CEP112: variants seen among roughly 807,000 people sequenced by gnomAD.
CEP112 encodes the protein centrosomal protein of 112 kDa.
CEP112 carries 127 observed loss-of-function variants against 153.0 expected under a neutral mutation model. That is an observed-to-expected ratio of 0.83 (90% confidence interval 0.72 to 0.96). CEP112 has a LOEUF of 0.96. Ranked by LOEUF, CEP112 falls within the 40% of genes least tolerant of loss-of-function variation. The probability of loss-of-function intolerance (pLI) is 0.00; values close to 1 mark genes in which losing one functional copy is unlikely to be tolerated. For synonymous variants in CEP112, 358 were observed against 374.4 expected (o/e 0.96, Z 0.51); for missense variants, 1,089 against 1,101.2 (o/e 0.99, Z 0.16).
At chr17:65,717,995 T>C (rs1430588945) in intron 23 of CEP112, among the ~76,000 whole-genome samples, 1 of 152,178 alleles carries the variant, frequency 6.6e-6, no homozygotes, top group Non-Finnish European at 1.5e-5. Context: ...AATATAAAAT[T>C]TGACTTGTCT....
intron 21 of CEP112, among the ~76,000 whole-genome samples, chr17:65,817,073 C>T (rs2056310811): frequency 6.6e-6 from 1 of 151,746 alleles, no homozygotes; most frequent in African/African-American, 2.4e-5. Context: ...TGTTACATAC[C>T]TTTGTTTTTT....
chr17:65,661,763 A>G (rs2046396834), intron 24 of CEP112: 1 of 152,208 alleles, frequency 6.6e-6, no homozygotes, highest in Non-Finnish European at 1.5e-5. Flanking sequence ...GTTTGCATGA[A>G]GCAGATCATA....
At chr17:65,915,716 A>C (rs1392119446) in intron 19 of CEP112, among the ~76,000 whole-genome samples, 1 of 141,196 alleles carries the variant, frequency 7.1e-6, no homozygotes, top group Non-Finnish European at 1.5e-5. Context: ...TGAACCCAGG[A>C]GGCGGAGGCT....
intron 24 of CEP112, among the ~76,000 whole-genome samples, chr17:65,684,873 C>T (rs2144299904): frequency 6.6e-6 from 1 of 152,286 alleles, no homozygotes; most frequent in East Asian, 1.9e-4. Context: ...CTGACTCAAG[C>T]TCTGATCTCC....
At chr17:66,013,443 G>C (rs2064628329) in intron 16 of CEP112, among the ~76,000 whole-genome samples, 1 of 152,146 alleles carries the variant, frequency 6.6e-6, no homozygotes, top group Non-Finnish European at 1.5e-5. Flanking sequence ...TTGGGGGTTT[G>C]TGGCATAAGG....
intron 6 of CEP112, among the ~76,000 whole-genome samples, chr17:66,098,731 C>T (rs2068445620): frequency 6.6e-6 from 1 of 152,182 alleles, no homozygotes; most frequent in Non-Finnish European, 1.5e-5. Flanking sequence ...TCTCCCCATC[C>T]TCCAAAGACA....
At chr17:66,012,149 C>T (rs928035715) in intron 16 of CEP112, among the ~76,000 whole-genome samples, 3 of 152,186 alleles carry the variant, frequency 2.0e-5, no homozygotes, top group Admixed American at 2.0e-4. Flanking sequence ...AGACAGCATA[C>T]CATTGGGTCT....
rs1366561534 is a variant in CEP112, at chr17:65,999,423, G to A, written c.1736+6267C>T. On this transcript the variant is annotated intron_variant, in intron 17 of 26. Transcript: ENST00000535342. The stretch of plus-strand genomic sequence containing the variant: ...TCACCGTGTTAGCCAGGATGGTCTC[G>A]ATCTCCTGACCTCGTGATTTGCCCA... Among the ~76,000 whole-genome samples the A allele has an allele frequency of 3.9e-5, 6 of 152,098 alleles. No homozygotes were observed. The East Asian group carries it at 5.8e-4, about 15-fold the overall frequency.
At chr17:66,161,837 AAAG>A (rs1461822239) in intron 4 of CEP112, among the ~76,000 whole-genome samples, 1 of 152,166 alleles carries the variant, frequency 6.6e-6, no homozygotes. Context: ...ATATTAAAAA[AAAG>A]AATAAAAAAA....
chr17:66,041,322 G>C (rs1530362), intron 12 of CEP112, among the ~76,000 whole-genome samples: 62,426 of 151,834 alleles, frequency 0.41, 14,304 homozygotes, highest in East Asian at 0.87. Flanking sequence ...GGCAAATAGA[G>C]CAGAGTTTAA....
intron 18 of CEP112, among the ~76,000 whole-genome samples, chr17:65,928,056 T>G (rs1170615845): frequency 6.6e-6 from 1 of 152,168 alleles, no homozygotes; most frequent in Non-Finnish European, 1.5e-5. Flanking sequence ...CTTGAATATA[T>G]AAAGAACTCT....
At chr17:66,138,686 A>G (rs2070551099) in intron 4 of CEP112, among the ~76,000 whole-genome samples, 2 of 152,218 alleles carry the variant, frequency 1.3e-5, no homozygotes, top group South Asian at 2.1e-4. Context: ...AATTCTTTAA[A>G]TATAGTAAGT....
chr17:65,767,507 CA>C (rs2053059341), intron 21 of CEP112, among the ~76,000 whole-genome samples: 1 of 146,356 alleles, frequency 6.8e-6, no homozygotes, highest in Middle Eastern at 3.5e-3. Context: ...CCAAAGTTAG[CA>C]GAAGGAAGGA....
intron 6 of CEP112, among the ~76,000 whole-genome samples, chr17:66,103,726 G>A (rs1399822135): frequency 6.6e-6 from 1 of 152,194 alleles, no homozygotes; most frequent in East Asian, 1.9e-4. Context: ...AGATGCCAAA[G>A]AAGGTAGGAA....
intron 17 of CEP112, among the ~76,000 whole-genome samples, chr17:65,998,833 C>T (rs1729602952): frequency 6.6e-6 from 1 of 152,092 alleles, no homozygotes; most frequent in African/African-American, 2.4e-5. Flanking sequence ...AGCATCATGC[C>T]TAAGGTCACA....
At chr17:66,041,115 T>C (rs2065957805) in intron 12 of CEP112, among the ~76,000 whole-genome samples, 1 of 149,506 alleles carries the variant, frequency 6.7e-6, no homozygotes, top group South Asian at 2.1e-4. Flanking sequence ...AAAAAGTAAA[T>C]AATTGTAATT....
intron 12 of CEP112, among the ~76,000 whole-genome samples, chr17:66,031,442 T>C (rs1428782504): frequency 2.0e-5 from 3 of 151,412 alleles, no homozygotes; most frequent in Non-Finnish European, 1.5e-5. Context: ...ACAATCCCAA[T>C]GCTAACAACT....
intron 21 of CEP112, among the ~76,000 whole-genome samples, chr17:65,772,645 A>ACC (rs2053437375): frequency 6.6e-6 from 1 of 151,214 alleles, no homozygotes; most frequent in African/African-American, 2.4e-5. Context: ...ACCCTGATAT[A>ACC]CCCCTCTGCA....
intron 21 of CEP112, among the ~76,000 whole-genome samples, chr17:65,805,947 T>A (rs1486548073): frequency 1.3e-5 from 2 of 152,224 alleles, no homozygotes; most frequent in Non-Finnish European, 2.9e-5. Context: ...TTAAGCTGCA[T>A]TATGGATCCA....
Sources: gnomAD v4.1 joint callset for allele counts (sites outside exome capture counted in the v4.1 genomes callset) on GRCh38, gnomAD v4.1.1 for gene constraint, MANE v1.5 for transcripts, NCBI Gene and HGNC (gene_info 2026-07-23, HGNC 2026-07-21) for gene names.